CFAP77: variants seen among roughly 807,000 people sequenced by gnomAD.
CFAP77 encodes the protein cilia and flagella associated protein 77, also known as cilia- and flagella-associated protein 77.
CFAP77 carries 25 observed loss-of-function variants against 31.1 expected under a neutral mutation model. That is an observed-to-expected ratio of 0.80 (90% CI 0.59 to 1.12). The LOEUF (loss-of-function observed/expected upper bound fraction) is 1.12, where lower values mean the gene tolerates loss of function less well. Ranked by LOEUF, CFAP77 falls within the 50% of genes most tolerant of loss-of-function variation. The probability of loss-of-function intolerance (pLI) is 0.00; values close to 1 mark genes in which losing one functional copy is unlikely to be tolerated. For missense variants in CFAP77, 377 were observed against 397.3 expected (o/e 0.95, Z 0.44); for synonymous variants, 151 against 159.9 (o/e 0.94, Z 0.42).
At chr9:132,446,177 T>C (rs1201693511) in intron 1 of CFAP77, among the ~76,000 whole-genome samples, 1 of 152,060 alleles carries the variant, frequency 6.6e-6, no homozygotes, top group African/African-American at 2.4e-5. Flanking sequence ...ACTTGATCCA[T>C]GAGATATTTT....
In CFAP77 at chr9:132,424,699, C is replaced by T. The variant is rs911209228; in HGVS notation, c.195+14233C>T. On this transcript the variant is annotated intron_variant, in intron 1 of 5. Transcript: ENST00000393216. The surrounding 1 kb of genome is among the most constrained non-coding windows in gnomAD (Gnocchi z 4.1). ...CACTTGAAAGTTTAAAGAAGAGACT[C>T]GGGATAAAGACGCATAGATACCGGG... Among the ~76,000 whole-genome samples the T allele has an allele frequency of 1.8e-4, 27 of 152,274 alleles. No homozygotes were observed. Among genetic ancestry groups the T allele is most frequent in the African/African-American group, 6.5e-4 (27 of 41,544 alleles).
intron 1 of CFAP77, chr9:132,482,401 T>A (rs748711237): frequency 6.2e-7 from 1 of 1,612,786 alleles, no homozygotes; most frequent in South Asian, 1.1e-5. Context: ...GGACACCACA[T>A]CAAAGGAGGC....
At position 132,486,096 on chromosome 9, in the gene CFAP77, T is replaced by TA. The variant is rs1225002555; in HGVS notation, c.196-12599_196-12598insA. 1.4e-3 allele frequency among the ~76,000 whole-genome samples: 111 copies of TA among 82,102 alleles called. 9 individuals carry two copies. The highest frequency in any genetic ancestry group is 2.2e-3 in the Non-Finnish European group (104 of 46,224). The allele number at this position is 82,102 out of a possible 152,430, so 53.9% of individuals were successfully genotyped here. A position where few individuals can be genotyped will look rare whatever the true frequency, so the allele number is the denominator to read the frequency against. On this transcript the variant is annotated intron_variant, in intron 1 of 5. Coordinates refer to ENST00000393216, the MANE Select transcript of CFAP77 (RefSeq NM_001282957.2). ...TATATATATATATATATATATTTTT[T>TA]TTTTTTTTTTTTTTGAGACGGAGTC...
chr9:132,439,552 G>A (rs543930054), intron 1 of CFAP77, among the ~76,000 whole-genome samples: 61 of 152,146 alleles, frequency 4.0e-4, no homozygotes, highest in African/African-American at 1.3e-3. Flanking sequence ...CTCTGGGTAA[G>A]ATGCTCTAAT....
chr9:132,570,358 G>T (rs538306655), intron 5 of CFAP77, among the ~76,000 whole-genome samples: 42 of 152,346 alleles, frequency 2.8e-4, no homozygotes, highest in Admixed American at 2.4e-3. Context: ...GGGCTCAGTA[G>T]CTTTTGGGCT....
chr9:132,496,847 T>C (rs1393714442), intron 1 of CFAP77, among the ~76,000 whole-genome samples: 1 of 152,200 alleles, frequency 6.6e-6, no homozygotes, highest in Non-Finnish European at 1.5e-5. Context: ...ATAGGAGCCA[T>C]GGCTCTGGCT....
chr9:132,544,946 C>G (rs1182049658), intron 5 of CFAP77, among the ~76,000 whole-genome samples: 3 of 152,104 alleles, frequency 2.0e-5, no homozygotes, highest in Non-Finnish European at 4.4e-5. Flanking sequence ...GCCCCCTCCT[C>G]TCTGATTTAG....
chr9:132,469,607 C>G (rs1851217986), intron 1 of CFAP77, among the ~76,000 whole-genome samples: 1 of 152,136 alleles, frequency 6.6e-6, no homozygotes, highest in East Asian at 1.9e-4. Flanking sequence ...GTCCATGCAT[C>G]ACTTATGGGC....
chr9:132,530,136 CTTT>C (rs750962954), intron 3 of CFAP77, among the ~76,000 whole-genome samples: 8 of 93,260 alleles, frequency 8.6e-5, no homozygotes, highest in African/African-American at 2.1e-4. Flanking sequence ...TCTTTCTTTT[CTTT>C]TTTTTTTTTT....
At chr9:132,550,182 C>T (rs1852801956) in intron 5 of CFAP77, among the ~76,000 whole-genome samples, 1 of 152,212 alleles carries the variant, frequency 6.6e-6, no homozygotes, top group Non-Finnish European at 1.5e-5. Context: ...AGCCTGGCTG[C>T]CCCCTTCATC....
intron 5 of CFAP77, among the ~76,000 whole-genome samples, chr9:132,558,827 A>G (rs1226752209): frequency 8.6e-6 from 1 of 115,762 alleles, no homozygotes; most frequent in African/African-American, 4.0e-5. Flanking sequence ...AGCCTGACCA[A>G]CGTGGTTGAA....
chr9:132,537,932 C>T (rs935369476), intron 4 of CFAP77, among the ~76,000 whole-genome samples: 1 of 152,188 alleles, frequency 6.6e-6, no homozygotes, highest in African/African-American at 2.4e-5. Flanking sequence ...GGAGATGGGT[C>T]CGGGCCATCA....
At chr9:132,530,136 CTTTTTTTTTTTTT>C (rs750962954) in intron 3 of CFAP77, among the ~76,000 whole-genome samples, 1 of 93,268 alleles carries the variant, frequency 1.1e-5, no homozygotes, top group Non-Finnish European at 2.1e-5. Context: ...TCTTTCTTTT[CTTTTTTTTTTTTT>C]TTTTTTTTGG....
At chr9:132,488,930 A>C (rs1245985946) in intron 1 of CFAP77, among the ~76,000 whole-genome samples, 2 of 152,196 alleles carry the variant, frequency 1.3e-5, no homozygotes, top group Non-Finnish European at 2.9e-5. Flanking sequence ...ATGAGGTTTA[A>C]TGAAGCTGTC....
chr9:132,513,086 C>T (rs891802183), intron 3 of CFAP77, among the ~76,000 whole-genome samples: 9 of 151,966 alleles, frequency 5.9e-5, no homozygotes, highest in South Asian at 2.1e-4. Context: ...TGGGATGTTT[C>T]GATACTGGCA....
At chr9:132,522,648 GCT>G (rs1162316354) in intron 3 of CFAP77, among the ~76,000 whole-genome samples, 1 of 152,212 alleles carries the variant, frequency 6.6e-6, no homozygotes, top group African/African-American at 2.4e-5. Context: ...AGGAAAAACA[GCT>G]CCTAAAACTG....
At chr9:132,571,126 T>C (rs1038480905) in intron 5 of CFAP77, among the ~76,000 whole-genome samples, 1 of 152,106 alleles carries the variant, frequency 6.6e-6, no homozygotes, top group African/African-American at 2.4e-5. Flanking sequence ...CACTCCGGGG[T>C]GGTCAACCCT....
chr9:132,421,168 C>T lies in CFAP77; in HGVS notation c.195+10702C>T, dbSNP rs537438101. Among the ~76,000 whole-genome samples the T allele has an allele frequency of 3.9e-5, 6 of 152,214 alleles. No homozygotes were observed. In the South Asian group the frequency reaches 1.2e-3, roughly 32 times the overall value. On this transcript the variant is annotated intron_variant, in intron 1 of 5. Transcript: ENST00000393216. ...AATTACAGGCGCCTGCCACCATACC[C>T]AGCTAATTTTTGTATTTTTAGTAGA...
At chr9:132,433,616 T>C (rs1337477344) in intron 1 of CFAP77, among the ~76,000 whole-genome samples, 3 of 151,796 alleles carry the variant, frequency 2.0e-5, no homozygotes, top group Non-Finnish European at 2.9e-5. Flanking sequence ...GGCACAATCT[T>C]GGCTCACTGC....
Sources: allele counts gnomAD v4.1 joint callset (sites outside exome capture counted in the v4.1 genomes callset), GRCh38; gene constraint gnomAD v4.1.1; non-coding constraint Gnocchi (gnomAD v3.1); transcripts MANE v1.5; gene names NCBI Gene and HGNC (gene_info 2026-07-23, HGNC 2026-07-21).